The following PREX2 variants were observed in gnomAD, a reference collection of about 807,000 sequenced individuals.
The protein encoded by PREX2 is phosphatidylinositol 3,4,5-trisphosphate-dependent Rac exchanger 2 protein.
PREX2 carries 107 observed loss-of-function variants against 203.2 expected under a neutral mutation model. That is an observed-to-expected ratio of 0.53 (90% CI 0.45 to 0.62). The LOEUF (loss-of-function observed/expected upper bound fraction) is 0.62, where lower values mean the gene tolerates loss of function less well. PREX2 is among the 20% of genes least tolerant of loss of function. The pLI, the probability that PREX2 is intolerant of heterozygous loss-of-function variation, is 0.00. For missense variants in PREX2, 1,777 were observed against 1,955.9 expected (o/e 0.91, Z 1.72); for synonymous variants, 672 against 663.6 (o/e 1.01, Z -0.19).
At chr8:67,980,777 T>C (rs1202883673) in intron 1 of PREX2, among the ~76,000 whole-genome samples, 1 of 152,232 alleles carries the variant, frequency 6.6e-6, no homozygotes, top group Non-Finnish European at 1.5e-5. Context: ...TCTGAATTTC[T>C]TGCTGCTGCT....
intron 37 of PREX2, among the ~76,000 whole-genome samples, chr8:68,209,965 A>G (rs781758296): frequency 2.6e-5 from 4 of 152,320 alleles, no homozygotes; most frequent in Non-Finnish European, 5.9e-5. Context: ...GCACTAACAC[A>G]AAACAAGATC....
chr8:68,205,132 A>G (rs1315319533), intron 37 of PREX2, among the ~76,000 whole-genome samples: 1 of 152,180 alleles, frequency 6.6e-6, no homozygotes, highest in African/African-American at 2.4e-5. Flanking sequence ...GTATCAATAA[A>G]TATTGGGAGG....
chr8:68,056,318 A>C (rs1208732169), intron 10 of PREX2, among the ~76,000 whole-genome samples: 1 of 152,152 alleles, frequency 6.6e-6, no homozygotes, highest in East Asian at 1.9e-4. Flanking sequence ...ATGTATACAC[A>C]TGGGCCTGAA....
chr8:68,190,892 C>T (rs892734863), intron 35 of PREX2, among the ~76,000 whole-genome samples: 3 of 151,314 alleles, frequency 2.0e-5, no homozygotes, highest in East Asian at 3.9e-4. Flanking sequence ...TGTTTAGTAT[C>T]GAGCCACAAG....
chr8:68,152,756 C>A (rs1811468061), intron 34 of PREX2, among the ~76,000 whole-genome samples: 1 of 152,182 alleles, frequency 6.6e-6, no homozygotes, highest in East Asian at 1.9e-4. Flanking sequence ...CATCTCCTGG[C>A]AGAGCTTCTA....
chr8:67,970,767 T>G (rs1255943070), intron 1 of PREX2, among the ~76,000 whole-genome samples: 1 of 152,184 alleles, frequency 6.6e-6, no homozygotes, highest in Non-Finnish European at 1.5e-5. Flanking sequence ...CAAGTGCATG[T>G]CAGGAGGCTT....
At chr8:68,037,527 C>T (rs989973655) in intron 6 of PREX2, among the ~76,000 whole-genome samples, 1 of 152,098 alleles carries the variant, frequency 6.6e-6, no homozygotes, top group African/African-American at 2.4e-5. Context: ...TTCTAGTGGC[C>T]AGTGCTTGTG....
intron 10 of PREX2, among the ~76,000 whole-genome samples, chr8:68,057,092 T>A (rs1231677582): frequency 1.3e-5 from 2 of 152,050 alleles, no homozygotes; most frequent in Non-Finnish European, 1.5e-5. Flanking sequence ...AGGCAACTAG[T>A]GGGAAGTGAT....
At chr8:68,140,547 G>A (rs552803178) in intron 33 of PREX2, among the ~76,000 whole-genome samples, 1 of 152,308 alleles carries the variant, frequency 6.6e-6, no homozygotes, top group South Asian at 2.1e-4. Context: ...CACTAATCCT[G>A]TATCACTGGG....
In PREX2 at chr8:68,069,026, T is replaced by C. The variant is rs201998695; in HGVS notation, c.1340-7T>C. The C allele has an allele frequency of 2.4e-6, 3 of 1,232,314 alleles. No homozygotes were observed. Among genetic ancestry groups the C allele is most frequent in the Non-Finnish European group, 3.4e-6 (3 of 876,660 alleles). 76.3% of individuals were successfully genotyped at this position (1,232,314 alleles called of 1,614,324 possible). A position where few individuals can be genotyped will look rare whatever the true frequency, so the allele number is the denominator to read the frequency against. ...GTTATTTTAATATAGTATTTCTATG[T>C]TCTTAGTTACTGATAAACATCAATT... On this transcript the variant is annotated splice_region_variant and splice_polypyrimidine_tract_variant and intron_variant, in intron 11 of 39. Transcript: ENST00000288368.
chr8:67,958,318 G>A (rs1805544680), intron 1 of PREX2, among the ~76,000 whole-genome samples: 2 of 152,130 alleles, frequency 1.3e-5, no homozygotes, highest in Admixed American at 1.3e-4. Context: ...TGATGATAGA[G>A]CTGGCTCCTA....
At chr8:68,107,648 A>G (rs1810444770) in intron 23 of PREX2, among the ~76,000 whole-genome samples, 1 of 152,116 alleles carries the variant, frequency 6.6e-6, no homozygotes, top group Non-Finnish European at 1.5e-5. Context: ...AGTGCTTTGG[A>G]TTAGCTTTAT....
chr8:68,130,321 CAAAA>C (rs1395588749), intron 31 of PREX2, among the ~76,000 whole-genome samples: 1 of 151,632 alleles, frequency 6.6e-6, no homozygotes, highest in Non-Finnish European at 1.5e-5. Context: ...CAAAAACACA[CAAAA>C]AACCCAAAAA....
At chr8:68,019,420 GCT>G (rs1254243634) in intron 2 of PREX2, 127 bp from the exon 3 acceptor site, 2 of 652,932 alleles carry the variant, frequency 3.1e-6, no homozygotes, top group Non-Finnish European at 4.8e-6. Flanking sequence ...CAAAATTGAG[GCT>G]CTGTCGGCAA....
intron 35 of PREX2, among the ~76,000 whole-genome samples, chr8:68,167,458 C>T (rs980301927): frequency 2.6e-5 from 4 of 151,952 alleles, no homozygotes; most frequent in Middle Eastern, 3.2e-3. Context: ...CCCAGCCTCC[C>T]CAGTAGCTGG....
At chr8:68,023,389 C>T (rs543459452) in intron 4 of PREX2, among the ~76,000 whole-genome samples, 4 of 152,244 alleles carry the variant, frequency 2.6e-5, no homozygotes, top group African/African-American at 9.6e-5. Flanking sequence ...TTACATTAAG[C>T]ATGCTTTCAT....
chr8:68,071,205 T>C (rs1431182050), intron 13 of PREX2, among the ~76,000 whole-genome samples: 1 of 152,148 alleles, frequency 6.6e-6, no homozygotes. Flanking sequence ...GAATTTTTCT[T>C]TGGCTAAAAA....
intron 9 of PREX2, 119 bp downstream of exon 9, chr8:68,053,365 T>C (rs1406982873): frequency 1.8e-6 from 2 of 1,099,532 alleles, no homozygotes; most frequent in South Asian, 1.6e-5. Context: ...ATTTATTAGG[T>C]TGGTGCAAAA....
In PREX2 at chr8:68,225,285, G is replaced by C. The variant is rs1276667457; in HGVS notation, c.4775+659G>C. On this transcript the variant is annotated intron_variant, in intron 39 of 39. Transcript: ENST00000288368. ...GAAGAAATGAATGATTTTTTTGTTT[G>C]TTATCTCAAATATTTACAGTTCACA... is the stretch of plus-strand genomic sequence containing the variant. 2.6e-5 allele frequency among the ~76,000 whole-genome samples: 4 copies of C among 151,944 alleles called. No homozygotes were observed. In the East Asian group the frequency reaches 7.7e-4, roughly 29 times the overall value.
Sources: allele counts gnomAD v4.1 joint callset (sites outside exome capture counted in the v4.1 genomes callset), GRCh38; gene constraint gnomAD v4.1.1; transcripts MANE v1.5; gene names NCBI Gene and HGNC (gene_info 2026-07-23, HGNC 2026-07-21).